Variants in PTPRG observed in about 807,000 individuals in gnomAD.
PTPRG encodes protein tyrosine phosphatase receptor type G, also known as receptor-type tyrosine-protein phosphatase gamma.
In PTPRG, 102 loss-of-function variants were observed where a neutral mutation model predicts 165.3. That is an observed-to-expected ratio of 0.62 (90% CI 0.53 to 0.73). The LOEUF is 0.73. Among genes scored for constraint, PTPRG ranks in the 30% least tolerant of loss-of-function variants. The probability of loss-of-function intolerance (pLI) is 0.00; values close to 1 mark genes in which losing one functional copy is unlikely to be tolerated. For missense variants in PTPRG, 1,866 were observed against 1,861.4 expected (o/e 1.00, Z -0.05); for synonymous variants, 675 against 669.5 (o/e 1.01, Z -0.13).
intron 2 of PTPRG, among the ~76,000 whole-genome samples, chr3:61,879,915 T>C (rs573284467): frequency 6.6e-6 from 1 of 152,310 alleles, no homozygotes; most frequent in East Asian, 1.9e-4. Flanking sequence ...AAAATTCCTT[T>C]TACAACTGAG....
intron 2 of PTPRG, among the ~76,000 whole-genome samples, chr3:61,918,376 A>G (rs1377370215): frequency 1.3e-5 from 2 of 152,070 alleles, no homozygotes; most frequent in Non-Finnish European, 2.9e-5. Flanking sequence ...ATATATATAT[A>G]CACACACACA....
intron 24 of PTPRG, among the ~76,000 whole-genome samples, chr3:62,276,258 G>A (rs143633420): frequency 4.8e-4 from 73 of 152,250 alleles, no homozygotes; most frequent in African/African-American, 1.7e-3. Context: ...TCTATCTGAC[G>A]TAGAATACAG....
intron 14 of PTPRG, among the ~76,000 whole-genome samples, chr3:62,238,238 C>T (rs1218311246): frequency 2.0e-5 from 3 of 152,090 alleles, no homozygotes; most frequent in Non-Finnish European, 2.9e-5. Flanking sequence ...CCACTGAGTT[C>T]GAACTGAGGA....
At chr3:62,087,393 T>A (rs1158013313) in intron 5 of PTPRG, among the ~76,000 whole-genome samples, 1 of 152,206 alleles carries the variant, frequency 6.6e-6, no homozygotes, top group Non-Finnish European at 1.5e-5. Context: ...TCACAACCGT[T>A]CTTACCTCTC....
At chr3:61,849,991 A>C (rs2036916295) in intron 2 of PTPRG, among the ~76,000 whole-genome samples, 1 of 152,082 alleles carries the variant, frequency 6.6e-6, no homozygotes, top group South Asian at 2.1e-4. Context: ...AAAAGTTGAA[A>C]TGTTTCATAC....
chr3:62,275,794 TGGG>T (rs1451652186), intron 23 of PTPRG, 76 bp from the exon 24 acceptor site: 6 of 1,015,660 alleles, frequency 5.9e-6, no homozygotes, highest in Non-Finnish European at 4.4e-6. Flanking sequence ...GTAATCTGAT[TGGG>T]ATTTTTGCCA....
chr3:61,792,709 TTTCTTTCTTTCTTTCTTTCTTTC>T (rs2034920201), intron 2 of PTPRG, among the ~76,000 whole-genome samples: 1 of 133,988 alleles, frequency 7.5e-6, no homozygotes, highest in Non-Finnish European at 1.5e-5. Flanking sequence ...TCTTTCTTTC[TTTCTTTCTTTCTTTCTTTCTTTC>T]TTTCTTTCTT....
intron 6 of PTPRG, among the ~76,000 whole-genome samples, chr3:62,155,415 A>G (rs986135449): frequency 6.6e-6 from 1 of 152,204 alleles, no homozygotes; most frequent in African/African-American, 2.4e-5. Flanking sequence ...GTGAATAATA[A>G]AAGCCTGGAT....
At chr3:61,913,924 G>T (rs1167494479) in intron 2 of PTPRG, among the ~76,000 whole-genome samples, 1 of 152,238 alleles carries the variant, frequency 6.6e-6, no homozygotes, top group Admixed American at 6.5e-5. Context: ...CGTGGTCTTA[G>T]AGAAGAGCTC....
At chr3:62,039,224 C>T (rs113906542) in intron 4 of PTPRG, among the ~76,000 whole-genome samples, 2 of 151,758 alleles carry the variant, frequency 1.3e-5, no homozygotes, top group African/African-American at 4.8e-5. Flanking sequence ...CGTGAGCCAC[C>T]ACCCCTAGCC....
chr3:62,179,304 T>C (rs1301307745), intron 8 of PTPRG, among the ~76,000 whole-genome samples: 3 of 152,200 alleles, frequency 2.0e-5, no homozygotes, highest in Admixed American at 6.5e-5. Flanking sequence ...GGTTGCTGGC[T>C]TCACTCCTGG....
chr3:62,218,827 A>C (rs1700577799), intron 12 of PTPRG, 24 bp from the exon 13 acceptor site: 2 of 1,608,238 alleles, frequency 1.2e-6, no homozygotes, highest in Admixed American at 3.4e-5. Flanking sequence ...TCTGTCCTCT[A>C]ACTGGGATGA....
intron 4 of PTPRG, among the ~76,000 whole-genome samples, chr3:62,076,963 G>A (rs567181863): frequency 1.1e-3 from 164 of 152,264 alleles, no homozygotes; most frequent in African/African-American, 3.8e-3. Flanking sequence ...CCTGTGTTCT[G>A]CTTTTTGAAT....
At chr3:61,727,358 GT>G (rs1262885215) in intron 1 of PTPRG, among the ~76,000 whole-genome samples, 1 of 152,040 alleles carries the variant, frequency 6.6e-6, no homozygotes, top group Non-Finnish European at 1.5e-5. Context: ...GTTTTGGACG[GT>G]TGGCCAGGCT....
At chr3:61,817,734 G>A (rs2035830044) in intron 2 of PTPRG, among the ~76,000 whole-genome samples, 1 of 152,158 alleles carries the variant, frequency 6.6e-6, no homozygotes, top group Non-Finnish European at 1.5e-5. Flanking sequence ...AAAGTGTGCT[G>A]GGCCTACTTG....
At position 62,268,927 on chromosome 3, in the gene PTPRG, C is replaced by A. The variant is rs905949501; in HGVS notation, c.2875-108C>A. ...ACTCACGTATTCCTTTTTCAGTCAA[C>A]TAAATGGCAATCTCACCTGTGTTTT... is the stretch of plus-strand genomic sequence containing the variant. On this transcript the variant is annotated intron_variant, in intron 19 of 29. Transcript: ENST00000474889. 8.0e-6 allele frequency: 10 copies of A among 1,253,336 alleles called. No individual in the cohort carries two copies. In the Admixed American group the frequency reaches 2.6e-4, roughly 33 times the overall value. 77.6% of individuals were successfully genotyped at this position (1,253,336 alleles called of 1,614,324 possible). A position where few individuals can be genotyped will look rare whatever the true frequency, so the allele number is the denominator to read the frequency against.
intron 2 of PTPRG, among the ~76,000 whole-genome samples, chr3:61,950,355 T>C (rs554165145): frequency 4.6e-5 from 7 of 152,310 alleles, no homozygotes; most frequent in Admixed American, 2.6e-4. Flanking sequence ...GAATGCTTGA[T>C]TGTGAGAACT....
At chr3:62,270,751 G>T (rs79179231) in intron 20 of PTPRG, among the ~76,000 whole-genome samples, 2 of 152,048 alleles carry the variant, frequency 1.3e-5, no homozygotes, top group Admixed American at 1.3e-4. Context: ...ATAAGAAATC[G>T]TATCATAGCA....
At position 61,866,886 on chromosome 3, in the gene PTPRG, C is replaced by T. The variant is rs544463826; in HGVS notation, c.190+117904C>T. Among the ~76,000 whole-genome samples the T allele has an allele frequency of 1.6e-4, 24 of 152,186 alleles. No individual in the cohort carries two copies. The East Asian group carries it at 4.1e-3, about 26-fold the overall frequency. On this transcript the variant is annotated intron_variant, in intron 2 of 29. Transcript: ENST00000474889. ...TGCTGGGATTACAGGCATGTGACACCGCACCCGGCCAAAGTGGTTGCTTTT... is the reference window on the plus strand; with the variant it reads ...TGCTGGGATTACAGGCATGTGACACTGCACCCGGCCAAAGTGGTTGCTTTT...
Sources: allele counts gnomAD v4.1 joint callset (sites outside exome capture counted in the v4.1 genomes callset), GRCh38; gene constraint gnomAD v4.1.1; transcripts MANE v1.5; gene names NCBI Gene and HGNC (gene_info 2026-07-23, HGNC 2026-07-21).